Variants in MET observed in about 807,000 individuals in gnomAD.
The protein encoded by MET is hepatocyte growth factor receptor.
Under a neutral mutation model 133.1 loss-of-function variants are expected in MET, and 48 were observed. The ratio of observed to expected loss-of-function variants is 0.36; its 90% CI spans 0.29 to 0.46. The LOEUF (loss-of-function observed/expected upper bound fraction) is 0.46. Ranked by LOEUF, MET falls within the 20% of genes least tolerant of loss-of-function variation. The pLI, the probability that MET is intolerant of heterozygous loss-of-function variation, is 1.00. For synonymous variants in MET, 628 were observed against 616.5 expected, an observed-to-expected ratio of 1.02 and a Z score of -0.28; for missense variants, 1,442 against 1,695.9, an observed-to-expected ratio of 0.85 and a Z score of 2.63.
chr7:116,789,921 T>G (rs1795432392), intron 19 of MET, among the ~76,000 whole-genome samples: 1 of 152,224 alleles, frequency 6.6e-6, no homozygotes. Context: ...ACCTGGGTAT[T>G]AAGCTCGGCA....
At chr7:116,716,060 G>C (rs992957608) in intron 2 of MET, among the ~76,000 whole-genome samples, 1 of 151,966 alleles carries the variant, frequency 6.6e-6, no homozygotes, top group African/African-American at 2.4e-5. Flanking sequence ...AGACCAGCCT[G>C]GGCAACATGG....
intron 2 of MET, among the ~76,000 whole-genome samples, chr7:116,707,706 G>T (rs939887784): frequency 6.6e-6 from 1 of 152,138 alleles, no homozygotes; most frequent in African/African-American, 2.4e-5. Flanking sequence ...GATTAAATTG[G>T]TCTGTTAGCT....
Position 116,731,665 on chromosome 7 carries a change from C to A in MET, c.1201-3C>A. 1.9e-6 allele frequency: 3 copies of A among 1,614,000 alleles called. No homozygotes were observed. Among genetic ancestry groups the A allele is most frequent in the Non-Finnish European group, 2.5e-6 (3 of 1,179,916 alleles). On this transcript the variant is annotated splice_polypyrimidine_tract_variant and splice_region_variant and intron_variant, in intron 2 of 20. Transcript: ENST00000397752. ...TTAACTCTATGACCATATTTTATTCCAGACACTTCTGAGAAATTCATCAGG... is the reference window on the plus strand; with the variant it reads ...TTAACTCTATGACCATATTTTATTCAAGACACTTCTGAGAAATTCATCAGG...
At chr7:116,719,502 C>A (rs1792391042) in intron 2 of MET, among the ~76,000 whole-genome samples, 1 of 152,100 alleles carries the variant, frequency 6.6e-6, no homozygotes, top group African/African-American at 2.4e-5. Flanking sequence ...AATTAGATCC[C>A]ATTTGTCAAT....
At position 116,777,450 on chromosome 7, in the gene MET, T is replaced by C. The variant is rs1584959989; in HGVS notation, c.3321T>C (p.Cys1107=). 1.2e-6 allele frequency: 2 copies of C among 1,613,880 alleles called. No individual in the cohort carries two copies. The highest frequency in any genetic ancestry group is 1.7e-6 in the Non-Finnish European group (2 of 1,179,828). Residue 1107 remains cysteine (C), a synonymous_variant, in exon 16 of 21, where the codon TGT becomes TGC. Transcript: ENST00000397752. ...ACAATGATGGCAAGAAAATTCACTG[T>C]GCTGTGAAATCCTTGAACAGTAAGT... ...LLDNDGKKIH[C]AVKSLNRITD... is the part of the protein sequence containing the mutation.
At chr7:116,749,396 TA>T (rs1328738544) in intron 5 of MET, among the ~76,000 whole-genome samples, 2 of 152,132 alleles carry the variant, frequency 1.3e-5, no homozygotes, top group East Asian at 3.8e-4. Context: ...AGGCCTTCGA[TA>T]AAATTCAACA....
Position 116,758,552 on chromosome 7 carries a change from G to A in MET, c.2196G>A (p.Glu732=), listed in dbSNP as rs1376208948. ...TGAAAATTGACTTAGCCAACCGAGA[G>A]ACAAGCATCTTCAGTTACCGTGAAG... ...VKLKIDLANR[E]TSIFSYREDP... is the part of the protein sequence containing the mutation. The change falls in exon 9 of 21, where the codon GAG becomes GAA. Residue 732 remains glutamate (E), a synonymous_variant. Transcript: ENST00000397752. 1.9e-6 allele frequency: 3 copies of A among 1,613,680 alleles called. No homozygotes were observed. The highest frequency in any genetic ancestry group is 3.3e-5 in the Admixed American group (2 of 59,960).
chr7:116,759,450 T>A lies in MET; in HGVS notation c.2324T>A (p.Met775Lys). Residue 775 changes from methionine to lysine, a missense_variant, in exon 10 of 21, where the codon ATG becomes AAG. This residue lies in a region of MET where 514 missense variants were observed against 659.6 expected (regional missense o/e 0.78). Coordinates refer to ENST00000397752, the MANE Select transcript of MET (RefSeq NM_000245.4). ...CTGAATTCAGTTAGTGTCCCGAGAA[T>A]GGTCATAAATGTGCATGAAGCAGGA... ...KNLNSVSVPRMVINVHEAGRN... is the reference protein window; with the variant it reads ...KNLNSVSVPRKVINVHEAGRN... The A allele has an allele frequency of 6.2e-7, 1 of 1,613,808 alleles. No individual in the cohort carries two copies. The highest frequency in any genetic ancestry group is 8.5e-7 in the Non-Finnish European group (1 of 1,179,852).
intron 2 of MET, among the ~76,000 whole-genome samples, chr7:116,719,451 C>A (rs1175338336): frequency 6.6e-6 from 1 of 152,154 alleles, no homozygotes; most frequent in Non-Finnish European, 1.5e-5. Context: ...CCTATTCACT[C>A]TGATGATAGT....
rs570036369 is a variant in MET, at chr7:116,699,630, C to A, written c.546C>A (p.Ala182=). 8 of 1,613,968 alleles carry A rather than the reference C, an allele frequency of 5.0e-6. No homozygotes were observed. In the East Asian group the frequency reaches 1.6e-4, roughly 31 times the overall value. Residue 182 remains alanine (A), a synonymous_variant, in exon 2 of 21, where the codon GCC becomes GCA. Transcript: ENST00000397752. ...CPDCVVSALG[A]KVLSSVKDRF... Reference sequence around the variant, plus strand: ...ACTGTGTGGTGAGCGCCCTGGGAGCCAAAGTCCTTTCATCTGTAAAGGACC... The same window carrying A: ...ACTGTGTGGTGAGCGCCCTGGGAGCAAAAGTCCTTTCATCTGTAAAGGACC...
intron 16 of MET, 78 bp from the exon 17 acceptor site, chr7:116,778,698 T>A (rs1795063485): frequency 6.9e-7 from 1 of 1,447,350 alleles, no homozygotes. Context: ...ACCATTTCAT[T>A]GCTCTTCCTA....
chr7:116,731,058 CTACTT>C (rs1309713208), intron 2 of MET, among the ~76,000 whole-genome samples: 3 of 152,068 alleles, frequency 2.0e-5, no homozygotes, highest in Admixed American at 6.5e-5. Flanking sequence ...TTAGTTCTCT[CTACTT>C]TACAGATTAG....
chr7:116,696,158 C>T (rs762463522), intron 1 of MET, among the ~76,000 whole-genome samples: 14 of 152,080 alleles, frequency 9.2e-5, no homozygotes, highest in Admixed American at 2.0e-4. Flanking sequence ...CATGAACCAC[C>T]GCGCTCAGCC....
rs879254340 is a variant in MET, at chr7:116,795,896, A to T, written c.3945A>T (p.Val1315=). The T allele has an allele frequency of 1.2e-6, 2 of 1,614,204 alleles. No individual in the cohort carries two copies. The highest frequency in any genetic ancestry group is 1.1e-5 in the South Asian group (1 of 91,082). Residue 1315 remains valine (V), a synonymous_variant, in exon 21 of 21, where the codon GTA becomes GTT. Transcript: ENST00000397752. The part of the protein sequence containing the change: ...PEYCPDPLYE[V]MLKCWHPKAE... ...TTTCTTTTTGGAACAGATATGAAGT[A>T]ATGCTAAAATGCTGGCACCCTAAAG... is the stretch of plus-strand genomic sequence containing the variant.
In MET at chr7:116,755,287, C is replaced by T. The variant is rs992920676; in HGVS notation, c.1702-68C>T. 16 of 1,536,734 alleles carry T rather than the reference C, an allele frequency of 1.0e-5. No homozygotes were observed. The South Asian group carries it at 1.5e-4, about 14-fold the overall frequency. ...TTTAAGGATATACATTTTGTTTGTT[C>T]GTTTTCCATATATGTGAAAAATTAT... On this transcript the variant is annotated intron_variant, in intron 5 of 20. Coordinates refer to ENST00000397752, the MANE Select transcript of MET (RefSeq NM_000245.4).
chr7:116,788,398 T>C (rs1795381097), intron 19 of MET, among the ~76,000 whole-genome samples: 1 of 152,182 alleles, frequency 6.6e-6, no homozygotes, highest in African/African-American at 2.4e-5. Flanking sequence ...AAGAGCCTGA[T>C]GAAATTTTGG....
rs2116910907 is a variant in MET at position 116,755,500 on chromosome 7, A to G, written c.1847A>G (p.Glu616Gly). 1 of 1,614,150 alleles carries G rather than the reference A, an allele frequency of 6.2e-7. No individual in the cohort carries two copies. The highest frequency in any genetic ancestry group is 8.5e-7 in the Non-Finnish European group (1 of 1,180,002). The change falls in exon 6 of 21, where the codon GAG becomes GGG. Residue 616 changes from glutamate to glycine, a missense_variant. This residue lies in a region of MET where 762 missense variants were observed against 792.4 expected (regional missense o/e 0.96). Coordinates refer to ENST00000397752, the MANE Select transcript of MET (RefSeq NM_000245.4). ...GAGAGCTGCACCTTGACTTTAAGTG[A>G]GAGCACGATGAATACGTAAGGATCT... Reference protein sequence around the residue: ...GNESCTLTLSESTMNTLKCTV... With the variant: ...GNESCTLTLSGSTMNTLKCTV...
rs117028963 is a variant in MET, at chr7:116,711,164, C to T, written c.1200+10880C>T. Among the ~76,000 whole-genome samples the T allele has an allele frequency of 4.0e-4, 61 of 152,336 alleles. No homozygotes were observed. In the East Asian group the frequency reaches 0.012, roughly 29 times the overall value. On this transcript the variant is annotated intron_variant, in intron 2 of 20. Transcript: ENST00000397752. The stretch of plus-strand genomic sequence containing the variant: ...AGCTTTCCTTTTGTACTCTGAAGTA[C>T]GGGTAAATCACAAATTAAACTGAGC...
chr7:116,777,801 C>A (rs150673762), intron 16 of MET, among the ~76,000 whole-genome samples: 1 of 152,130 alleles, frequency 6.6e-6, no homozygotes, highest in Admixed American at 6.5e-5. Flanking sequence ...TTGGCACCTA[C>A]AGTAGTAATG....
Sources: allele counts gnomAD v4.1 joint callset (sites outside exome capture counted in the v4.1 genomes callset), GRCh38; gene constraint gnomAD v4.1.1; regional missense constraint gnomAD v4.1.1; transcripts MANE v1.5; gene names NCBI Gene and HGNC (gene_info 2026-07-23, HGNC 2026-07-21).